The following LRMDA variants were observed in gnomAD, a reference collection of about 807,000 sequenced individuals.
LRMDA encodes the protein leucine-rich melanocyte differentiation-associated protein.
Under a neutral mutation model 29.8 loss-of-function variants are expected in LRMDA, and 18 were observed. The ratio of observed to expected loss-of-function variants is 0.60; its 90% confidence interval spans 0.42 to 0.90. The LOEUF (loss-of-function observed/expected upper bound fraction) is 0.90, where lower values mean the gene tolerates loss of function less well. Among genes scored for constraint, LRMDA ranks in the 40% least tolerant of loss-of-function variants. The probability of loss-of-function intolerance (pLI) is 0.00; values close to 1 mark genes in which losing one functional copy is unlikely to be tolerated. For synonymous variants in LRMDA, 125 were observed against 109.4 expected, an observed-to-expected ratio of 1.14 and a Z score of -0.89; for missense variants, 273 against 273.9, an observed-to-expected ratio of 1.00 and a Z score of 0.02.
chr10:76,467,276 T>C (rs995425952), intron 6 of LRMDA, among the ~76,000 whole-genome samples: 4 of 152,196 alleles, frequency 2.6e-5, no homozygotes, highest in Admixed American at 6.5e-5. Context: ...TTAAATACTA[T>C]TGGCCGAAAC....
At chr10:75,810,407 A>G (rs1383924472) in intron 2 of LRMDA, among the ~76,000 whole-genome samples, 1 of 152,172 alleles carries the variant, frequency 6.6e-6, no homozygotes, top group African/African-American at 2.4e-5. Flanking sequence ...GCTAGTCCAG[A>G]GTGGTGCCAG....
intron 2 of LRMDA, among the ~76,000 whole-genome samples, chr10:75,878,428 C>T (rs1476733319): frequency 6.6e-6 from 1 of 151,804 alleles, no homozygotes; most frequent in Non-Finnish European, 1.5e-5. Flanking sequence ...CACCCAACAG[C>T]TGGACTCTCC....
intron 2 of LRMDA, among the ~76,000 whole-genome samples, chr10:75,484,541 T>G (rs1243926895): frequency 6.6e-6 from 1 of 152,226 alleles, no homozygotes; most frequent in African/African-American, 2.4e-5. Context: ...TGTTCTGTGT[T>G]TATTATGGAC....
At chr10:75,631,428 T>A (rs1355774589) in intron 2 of LRMDA, among the ~76,000 whole-genome samples, 1 of 149,320 alleles carries the variant, frequency 6.7e-6, no homozygotes, top group Non-Finnish European at 1.5e-5. Context: ...CCACCCAACA[T>A]GTTGCCAGGA....
chr10:75,954,651 A>G (rs547319486), intron 2 of LRMDA, among the ~76,000 whole-genome samples: 25 of 152,328 alleles, frequency 1.6e-4, no homozygotes, highest in Non-Finnish European at 2.6e-4. Context: ...CTGAACGGCC[A>G]TTTGAGGAAA....
At chr10:75,548,423 A>G (rs1840104100) in intron 2 of LRMDA, among the ~76,000 whole-genome samples, 2 of 152,286 alleles carry the variant, frequency 1.3e-5, no homozygotes, top group Admixed American at 6.5e-5. Flanking sequence ...TTCCTTTCCC[A>G]TGCAACAGTG....
intron 6 of LRMDA, among the ~76,000 whole-genome samples, chr10:76,383,850 G>T (rs186161905): frequency 6.6e-6 from 1 of 152,266 alleles, no homozygotes; most frequent in African/African-American, 2.4e-5. Flanking sequence ...TCCTCAGAGA[G>T]GTCTTCTGAG....
chr10:75,534,459 G>A (rs992643219), intron 2 of LRMDA, among the ~76,000 whole-genome samples: 10 of 148,114 alleles, frequency 6.8e-5, no homozygotes, highest in East Asian at 6.0e-4. Context: ...TTGCTTTCTC[G>A]GCAATATTGT....
At chr10:75,692,219 A>AAAAAAT (rs1353540469) in intron 2 of LRMDA, among the ~76,000 whole-genome samples, 1 of 87,548 alleles carries the variant, frequency 1.1e-5, no homozygotes, top group African/African-American at 5.5e-5. Context: ...AAAAAAAAAA[A>AAAAAAT]ATATATATAT....
At chr10:75,486,711 C>T (rs1485303212) in intron 2 of LRMDA, among the ~76,000 whole-genome samples, 2 of 152,152 alleles carry the variant, frequency 1.3e-5, no homozygotes, top group Non-Finnish European at 2.9e-5. Flanking sequence ...AAGGCACACA[C>T]CCTCCTCCTT....
intron 2 of LRMDA, among the ~76,000 whole-genome samples, chr10:75,674,321 C>T (rs760698027): frequency 6.6e-6 from 1 of 151,960 alleles, no homozygotes; most frequent in Non-Finnish European, 1.5e-5. Context: ...CTTTCTGTTC[C>T]CTTATCTTTA....
chr10:75,539,864 G>A (rs1386659939), intron 2 of LRMDA, among the ~76,000 whole-genome samples: 1 of 152,064 alleles, frequency 6.6e-6, no homozygotes. Flanking sequence ...TTGATGCAAG[G>A]GCTTAGAAGT....
chr10:75,956,132 A>G (rs1846659810), intron 2 of LRMDA, among the ~76,000 whole-genome samples: 1 of 152,230 alleles, frequency 6.6e-6, no homozygotes, highest in Non-Finnish European at 1.5e-5. Flanking sequence ...GACTGGAGCT[A>G]GAGGATATGC....
At chr10:76,041,271 C>G (rs934789299) in intron 3 of LRMDA, among the ~76,000 whole-genome samples, 1 of 152,190 alleles carries the variant, frequency 6.6e-6, no homozygotes, top group African/African-American at 2.4e-5. Flanking sequence ...TGCTGTCACA[C>G]AGAAACATGT....
intron 2 of LRMDA, among the ~76,000 whole-genome samples, chr10:75,473,583 T>G (rs1458254714): frequency 6.6e-6 from 1 of 152,204 alleles, no homozygotes; most frequent in Non-Finnish European, 1.5e-5. Flanking sequence ...GAATGTGGGC[T>G]CCAAAGGCAG....
In LRMDA at chr10:75,757,560, G is replaced by A. The variant is rs1177874819; in HGVS notation, c.132-278448G>A. Among the ~76,000 whole-genome samples the A allele has an allele frequency of 3.3e-5, 5 of 152,244 alleles. No individual in the cohort carries two copies. The East Asian group carries it at 5.8e-4, about 18-fold the overall frequency. ...TACATCCCAGCCTGGCTGTTTGTCA[G>A]CTGTGTGACCTTGGGCATGTGTCTT... On this transcript the variant is annotated intron_variant, in intron 2 of 6. Transcript: ENST00000611255.
At chr10:75,972,923 T>G (rs1181273273) in intron 2 of LRMDA, among the ~76,000 whole-genome samples, 1 of 152,114 alleles carries the variant, frequency 6.6e-6, no homozygotes, top group Non-Finnish European at 1.5e-5. Flanking sequence ...CAAGTTCCAG[T>G]TAAGAGGTTG....
intron 2 of LRMDA, among the ~76,000 whole-genome samples, chr10:75,959,686 G>A (rs73281417): frequency 6.6e-6 from 1 of 151,992 alleles, no homozygotes; most frequent in Non-Finnish European, 1.5e-5. Context: ...ATGCATTACT[G>A]TACCTATATG....
rs567029901 is a variant in LRMDA at position 75,907,728 on chromosome 10, G to A, written c.132-128280G>A. Reference sequence around the variant, plus strand: ...AAGGGAGGGCGAAATCATCACAGTGGCCCTGGTGCCATTTCCAACACCATC... The same window carrying A: ...AAGGGAGGGCGAAATCATCACAGTGACCCTGGTGCCATTTCCAACACCATC... On this transcript the variant is annotated intron_variant, in intron 2 of 6. Transcript: ENST00000611255. Among the ~76,000 whole-genome samples the A allele has an allele frequency of 3.3e-5, 5 of 152,264 alleles. No individual in the cohort carries two copies. In the South Asian group the frequency reaches 1.0e-3, roughly 32 times the overall value.
Sources: gnomAD v4.1 joint callset for allele counts (sites outside exome capture counted in the v4.1 genomes callset) on GRCh38, gnomAD v4.1.1 for gene constraint, MANE v1.5 for transcripts, NCBI Gene and HGNC (gene_info 2026-07-23, HGNC 2026-07-21) for gene names.